Variants in MAP3K5 observed in about 807,000 individuals in gnomAD.
MAP3K5 encodes the protein ASK-1.
In MAP3K5, 56 loss-of-function variants were observed where a neutral mutation model predicts 158.7. The observed-to-expected ratio is 0.35, with a 90% CI of 0.28 to 0.44. MAP3K5 has a LOEUF of 0.44. Ranked by LOEUF, MAP3K5 falls within the 20% of genes least tolerant of loss-of-function variation. The pLI is 1.00. For missense variants in MAP3K5, 1,294 were observed against 1,674.8 expected (o/e 0.77, Z 3.97); for synonymous variants, 579 against 601.7 (o/e 0.96, Z 0.55).
intron 14 of MAP3K5, among the ~76,000 whole-genome samples, chr6:136,633,972 T>A (rs978029060): frequency 6.6e-6 from 1 of 152,250 alleles, no homozygotes; most frequent in Non-Finnish European, 1.5e-5. Flanking sequence ...TTATTCTGCA[T>A]ACAAATCTTA....
At chr6:136,730,089 C>G (rs1026169118) in intron 1 of MAP3K5, among the ~76,000 whole-genome samples, 2 of 151,918 alleles carry the variant, frequency 1.3e-5, no homozygotes, top group Non-Finnish European at 2.9e-5. Flanking sequence ...CCTCCTACCT[C>G]AGCCTCCTGA....
At chr6:136,629,861 C>T (rs958685236) in intron 14 of MAP3K5, among the ~76,000 whole-genome samples, 22 of 152,114 alleles carry the variant, frequency 1.4e-4, no homozygotes, top group Non-Finnish European at 2.8e-4. Flanking sequence ...AAGCGATTCT[C>T]CTGCTTTAGC....
Position 136,792,134 on chromosome 6 carries a change from G to A in MAP3K5, c.24C>T (p.Gly8=), listed in dbSNP as rs142989545. The A allele has an allele frequency of 1.6e-3, 2,539 of 1,575,418 alleles. 34 individuals carry two copies. The African/African-American group carries it at 0.031, about 19-fold the overall frequency. The change falls in exon 1 of 30, where the codon GGC becomes GGT. Residue 8 remains glycine (G), a synonymous_variant. Coordinates refer to ENST00000359015, the MANE Select transcript of MAP3K5 (RefSeq NM_005923.4). This position sits in a 1 kb window ranked among gnomAD's most constrained non-coding sequence, Gnocchi z 5.7. The part of the protein sequence containing the change: MSTEADE[G]ITFSVPPFAP... ...CGAAGGGTGGCACAGAGAAAGTGAT[G>A]CCCTCGTCCGCCTCCGTGCTCATCT...
intron 1 of MAP3K5, among the ~76,000 whole-genome samples, chr6:136,785,891 A>C (rs555845029): frequency 2.0e-5 from 3 of 152,206 alleles, no homozygotes; most frequent in Non-Finnish European, 4.4e-5. Context: ...ATGGTTCCAT[A>C]AACTGTGTTA....
chr6:136,692,562 T>C (rs1007909727), intron 7 of MAP3K5, among the ~76,000 whole-genome samples: 8 of 152,202 alleles, frequency 5.3e-5, no homozygotes, highest in African/African-American at 1.9e-4. Flanking sequence ...TTTTAATCAC[T>C]CTTCAGTGCT....
intron 1 of MAP3K5, among the ~76,000 whole-genome samples, chr6:136,758,816 A>C (rs1216557928): frequency 6.6e-6 from 1 of 152,262 alleles, no homozygotes; most frequent in Non-Finnish European, 1.5e-5. Context: ...GTTTTTGCAC[A>C]TCTTACATTC....
intron 2 of MAP3K5, among the ~76,000 whole-genome samples, chr6:136,720,181 G>A (rs1383427065): frequency 1.3e-5 from 2 of 152,042 alleles, no homozygotes; most frequent in Non-Finnish European, 1.5e-5. Flanking sequence ...TCTCCACGTC[G>A]GCGCTAATGA....
chr6:136,571,636 G>C (rs941376446), intron 25 of MAP3K5, among the ~76,000 whole-genome samples: 1 of 152,192 alleles, frequency 6.6e-6, no homozygotes, highest in South Asian at 2.1e-4. Context: ...ACCACATTTT[G>C]TTTATCCATT....
At chr6:136,785,112 G>C (rs1582701365) in intron 1 of MAP3K5, among the ~76,000 whole-genome samples, 1 of 152,198 alleles carries the variant, frequency 6.6e-6, no homozygotes, top group African/African-American at 2.4e-5. Flanking sequence ...ATGCAGAAGT[G>C]GGCTGGACAA....
chr6:136,636,108 C>T (rs1420616480), intron 14 of MAP3K5, among the ~76,000 whole-genome samples: 1 of 151,956 alleles, frequency 6.6e-6, no homozygotes, highest in Non-Finnish European at 1.5e-5. Flanking sequence ...ATATTTGTAT[C>T]CTCCCCAAAT....
rs187684332 is a variant in MAP3K5 at position 136,741,524 on chromosome 6, C to T, written c.449-20935G>A. 1.8e-3 allele frequency among the ~76,000 whole-genome samples: 271 copies of T among 151,336 alleles called. 2 individuals are homozygous for T. The highest frequency in any genetic ancestry group is 2.1e-3 in the Non-Finnish European group (142 of 67,816). Reference sequence around the variant, plus strand: ...AAATACCTACAAAAAAAAAAAAACCCTATAGCTAACATCATACTTAATGGT... The same window carrying T: ...AAATACCTACAAAAAAAAAAAAACCTTATAGCTAACATCATACTTAATGGT... On this transcript the variant is annotated intron_variant, in intron 1 of 29. Coordinates refer to ENST00000359015, the MANE Select transcript of MAP3K5 (RefSeq NM_005923.4).
rs781290912 is a variant in MAP3K5, at chr6:136,694,181, A to G, written c.1212T>C (p.Ser404=). 19 of 1,613,616 alleles carry G rather than the reference A, an allele frequency of 1.2e-5. No individual in the cohort carries two copies. Among genetic ancestry groups the G allele is most frequent in the Non-Finnish European group, 1.4e-5 (17 of 1,179,882 alleles). ...CTCTGCTTTCAGTGTCCGTGAAATT[A>G]GAGTCCAAAAACATATCTTTGTAGA... ...GRIYKDMFLD[S]NFTDTESRDH... Residue 404 remains serine, a synonymous_variant, in exon 7 of 30, where the codon TCT becomes TCC. Transcript: ENST00000359015.
chr6:136,730,173 TG>T (rs68124048), intron 1 of MAP3K5, among the ~76,000 whole-genome samples: 49,352 of 134,138 alleles, frequency 0.37, 8,169 homozygotes, highest in Middle Eastern at 0.46. Flanking sequence ...TTTTGTTTTT[TG>T]TTTTTGTAGA....
chr6:136,722,047 G>C (rs1781765234), intron 1 of MAP3K5, among the ~76,000 whole-genome samples: 1 of 152,042 alleles, frequency 6.6e-6, no homozygotes, highest in African/African-American at 2.4e-5. Flanking sequence ...GAAAATCCCA[G>C]CCACTGCAAT....
intron 11 of MAP3K5, among the ~76,000 whole-genome samples, chr6:136,645,951 A>G (rs1024448465): frequency 6.6e-6 from 1 of 152,202 alleles, no homozygotes; most frequent in Non-Finnish European, 1.5e-5. Flanking sequence ...AGTTTAACAT[A>G]AGACCTATTA....
At chr6:136,728,062 T>C (rs989368332) in intron 1 of MAP3K5, among the ~76,000 whole-genome samples, 3 of 152,222 alleles carry the variant, frequency 2.0e-5, no homozygotes, top group South Asian at 2.1e-4. Context: ...ATAATTTGTT[T>C]CCTTGTTCTG....
rs770009920 is a variant in MAP3K5, at chr6:136,791,883, G to A, written c.275C>T (p.Thr92Met). 6.2e-7 allele frequency: 1 copy of A among 1,613,334 alleles called. No homozygotes were observed. The highest frequency in any genetic ancestry group is 8.5e-7 in the Non-Finnish European group (1 of 1,179,982). ...SSVGGGSRRT[T>M]VAYVINEASQ... is the part of the protein sequence containing the mutation. ...CGCTTCGTTGATCACATATGCCACC[G>A]TGGTCCGTCGGCTGCCCCCGCCAAC... Residue 92 changes from threonine to methionine, a missense_variant, in exon 1 of 30, where the codon ACG becomes ATG. Around this residue, in one of 5 missense-constraint regions of MAP3K5, gnomAD observed 690 missense variants for 870.5 expected, o/e 0.79. Transcript: ENST00000359015.
chr6:136,630,323 T>TTC, intron 14 of MAP3K5: 1 of 152,448 alleles, frequency 6.6e-6, no homozygotes, highest in South Asian at 2.1e-4. Context: ...AAGACTTAGA[T>TTC]GAGAGCATGT....
In MAP3K5 at chr6:136,583,656, T is replaced by C. The variant is rs1562523119; in HGVS notation, c.3310A>G (p.Lys1104Glu). ...TTTGACAGTGTGGTGGCTATGATTT[T>C]TCGGTCAGTGGATCTCACAAATTCT... Reference protein sequence around the residue: ...LREFVRSTDRKIIATTLSKLK... With the variant: ...LREFVRSTDREIIATTLSKLK... Residue 1104 changes from lysine to glutamate, a missense_variant, in exon 24 of 30, where the codon AAA becomes GAA. Coordinates refer to ENST00000359015, the MANE Select transcript of MAP3K5 (RefSeq NM_005923.4). 1 of 1,614,236 alleles carries C rather than the reference T, an allele frequency of 6.2e-7. No individual in the cohort carries two copies. Among genetic ancestry groups the C allele is most frequent in the South Asian group, 1.1e-5 (1 of 91,090 alleles).
Sources: gnomAD v4.1 joint callset for allele counts (sites outside exome capture counted in the v4.1 genomes callset) on GRCh38, gnomAD v4.1.1 for gene constraint, gnomAD v4.1.1 regional missense constraint, Gnocchi (gnomAD v3.1) non-coding constraint, MANE v1.5 for transcripts, NCBI Gene and HGNC (gene_info 2026-07-23, HGNC 2026-07-21) for gene names.